Variants in CLSTN2 observed in about 807,000 individuals in gnomAD.
CLSTN2 encodes calsyntenin-2.
Under a neutral mutation model 101.2 loss-of-function variants are expected in CLSTN2, and 48 were observed. The ratio of observed to expected loss-of-function variants is 0.47; its 90% CI spans 0.38 to 0.60. The LOEUF is 0.60. Among genes scored for constraint, CLSTN2 ranks in the 20% least tolerant of loss-of-function variants. CLSTN2 has a pLI of 0.00. For missense variants in CLSTN2, 1,160 were observed against 1,238.2 expected, an observed-to-expected ratio of 0.94 and a Z score of 0.95; for synonymous variants, 481 against 463.6, an observed-to-expected ratio of 1.04 and a Z score of -0.48.
chr3:140,261,101 C>A (rs373974639), intron 2 of CLSTN2, among the ~76,000 whole-genome samples: 141 of 152,210 alleles, frequency 9.3e-4, no homozygotes, highest in African/African-American at 3.3e-3. Context: ...TTTTTCCCTG[C>A]CCTCTTTTCT....
intron 2 of CLSTN2, among the ~76,000 whole-genome samples, chr3:140,387,552 G>T (rs920268041): frequency 6.6e-6 from 1 of 152,132 alleles, no homozygotes; most frequent in East Asian, 1.9e-4. Context: ...CTCATTCTTT[G>T]CCAACTGGGT....
intron 2 of CLSTN2, among the ~76,000 whole-genome samples, chr3:140,274,224 A>G (rs1323356146): frequency 7.2e-5 from 11 of 152,148 alleles, no homozygotes; most frequent in African/African-American, 2.2e-4. Flanking sequence ...CACATGGGTT[A>G]ACACTCTGCT....
intron 1 of CLSTN2, among the ~76,000 whole-genome samples, chr3:140,071,891 G>T (rs1002328660): frequency 6.6e-6 from 1 of 150,900 alleles, no homozygotes; most frequent in Non-Finnish European, 1.5e-5. Context: ...ATGAAAAAAT[G>T]CTCAACCTTC....
chr3:139,987,437 G>A (rs1257358598), intron 1 of CLSTN2, among the ~76,000 whole-genome samples: 1 of 152,192 alleles, frequency 6.6e-6, no homozygotes, highest in Non-Finnish European at 1.5e-5. Flanking sequence ...GAAAATAGAC[G>A]ATAAAGTAAT....
At chr3:140,343,441 TGTG>T (rs940317083) in intron 2 of CLSTN2, among the ~76,000 whole-genome samples, 2 of 152,206 alleles carry the variant, frequency 1.3e-5, no homozygotes, top group African/African-American at 4.8e-5. Context: ...AACAAAAAAT[TGTG>T]GTGCTGGTGT....
chr3:140,449,139 C>G (rs952566965), intron 6 of CLSTN2, among the ~76,000 whole-genome samples: 2 of 152,152 alleles, frequency 1.3e-5, no homozygotes, highest in African/African-American at 4.8e-5. Context: ...CTCCCCAAAG[C>G]GCCAGCTATA....
At chr3:140,147,074 G>A (rs2009791445) in intron 1 of CLSTN2, among the ~76,000 whole-genome samples, 1 of 152,242 alleles carries the variant, frequency 6.6e-6, no homozygotes, top group Admixed American at 6.5e-5. Context: ...ATGGATGAGT[G>A]AATGGATGTA....
chr3:140,339,907 T>G (rs907317853), intron 2 of CLSTN2, among the ~76,000 whole-genome samples: 1 of 152,180 alleles, frequency 6.6e-6, no homozygotes, highest in African/African-American at 2.4e-5. Flanking sequence ...GGTTTTAGAA[T>G]TGGATGTGGG....
chr3:140,515,627 A>C (rs1576607456), intron 8 of CLSTN2, among the ~76,000 whole-genome samples: 1 of 152,278 alleles, frequency 6.6e-6, no homozygotes, highest in Non-Finnish European at 1.5e-5. Flanking sequence ...TTGTTTACCC[A>C]ACAAGCATTC....
chr3:140,005,508 C>G (rs1259932533), intron 1 of CLSTN2, among the ~76,000 whole-genome samples: 1 of 152,196 alleles, frequency 6.6e-6, no homozygotes, highest in Non-Finnish European at 1.5e-5. Context: ...CACAGAGCCT[C>G]TCCTGCTTTT....
At chr3:140,466,955 G>C (rs192253595) in intron 8 of CLSTN2, among the ~76,000 whole-genome samples, 1 of 152,320 alleles carries the variant, frequency 6.6e-6, no homozygotes. Flanking sequence ...CTGGGATGCT[G>C]CTGGGTCACT....
At chr3:140,353,889 G>T (rs560494764) in intron 2 of CLSTN2, among the ~76,000 whole-genome samples, 1 of 152,286 alleles carries the variant, frequency 6.6e-6, no homozygotes, top group South Asian at 2.1e-4. Flanking sequence ...TGTGATTGTA[G>T]GCAGAGGGAC....
chr3:140,521,048 A>ATTT lies in CLSTN2; in HGVS notation c.1345-11261_1345-11259dup, dbSNP rs57840726. Among the ~76,000 whole-genome samples the ATTT allele has an allele frequency of 3.6e-4, 45 of 125,468 alleles. 1 individual carries two copies. In the South Asian group the frequency reaches 9.4e-3, roughly 26 times the overall value. 82.3% of individuals were successfully genotyped at this position (125,468 alleles called of 152,430 possible). ...TTATCATGATTTTTAGCTTTTTTGC[A>ATTT]TTTTTTTTTTTTTTTTTGCATTGAG... On this transcript the variant is annotated intron_variant, in intron 8 of 16. Coordinates refer to ENST00000458420, the MANE Select transcript of CLSTN2 (RefSeq NM_022131.3).
At chr3:140,214,158 G>A (rs1025232338) in intron 2 of CLSTN2, among the ~76,000 whole-genome samples, 5 of 151,996 alleles carry the variant, frequency 3.3e-5, no homozygotes, top group Non-Finnish European at 7.4e-5. Context: ...AAAAAAAATA[G>A]GCTAGGCATG....
intron 1 of CLSTN2, among the ~76,000 whole-genome samples, chr3:140,029,892 G>A (rs1185072936): frequency 6.6e-6 from 1 of 152,076 alleles, no homozygotes; most frequent in African/African-American, 2.4e-5. Context: ...CAAATTGGAG[G>A]CAACCGAATT....
chr3:140,281,536 A>G (rs2086847589), intron 2 of CLSTN2, among the ~76,000 whole-genome samples: 1 of 152,162 alleles, frequency 6.6e-6, no homozygotes. Flanking sequence ...ACGTAGAGGA[A>G]GGGAAAAAAG....
At chr3:140,390,693 C>T (rs544039574) in intron 2 of CLSTN2, among the ~76,000 whole-genome samples, 2 of 152,298 alleles carry the variant, frequency 1.3e-5, no homozygotes, top group African/African-American at 4.8e-5. Flanking sequence ...GTGTCTATTT[C>T]TCCCTTTAAC....
intron 1 of CLSTN2, among the ~76,000 whole-genome samples, chr3:140,073,049 G>A (rs1289700477): frequency 6.6e-6 from 1 of 152,180 alleles, no homozygotes; most frequent in Non-Finnish European, 1.5e-5. Context: ...TGCAGCGACT[G>A]TCCTGGTAAA....
chr3:140,215,580 G>A (rs949949955), intron 2 of CLSTN2, among the ~76,000 whole-genome samples: 5 of 152,164 alleles, frequency 3.3e-5, no homozygotes, highest in Non-Finnish European at 7.4e-5. Context: ...GAGACTCCTT[G>A]CTTATTTAAG....
Sources: allele counts gnomAD v4.1 joint callset (sites outside exome capture counted in the v4.1 genomes callset), GRCh38; gene constraint gnomAD v4.1.1; transcripts MANE v1.5; gene names NCBI Gene and HGNC (gene_info 2026-07-23, HGNC 2026-07-21).